EPHA6: variants seen among roughly 807,000 people sequenced by gnomAD.
EPHA6 encodes the protein ephrin type-A receptor 6.
Under a neutral mutation model 112.0 loss-of-function variants are expected in EPHA6, and 50 were observed. The ratio of observed to expected loss-of-function variants is 0.45; its 90% CI spans 0.36 to 0.56. The LOEUF is 0.56. EPHA6 is among the 20% of genes least tolerant of loss of function. The probability of loss-of-function intolerance (pLI) is 0.00; values close to 1 mark genes in which losing one functional copy is unlikely to be tolerated. For synonymous variants in EPHA6, 529 were observed against 490.7 expected, an observed-to-expected ratio of 1.08 and a Z score of -1.03; for missense variants, 1,280 against 1,417.4, an observed-to-expected ratio of 0.90 and a Z score of 1.56.
intron 16 of EPHA6, among the ~76,000 whole-genome samples, chr3:97,741,989 A>G (rs1328200214): frequency 1.3e-5 from 2 of 152,136 alleles, no homozygotes; most frequent in Non-Finnish European, 2.9e-5. Context: ...ATGCCCAGCC[A>G]CTTGAAGAAC....
chr3:97,747,534 G>T lies in EPHA6; in HGVS notation c.3240G>T (p.Gly1080=), dbSNP rs374189308. ...GQYKNNFVAA[G]FTTFDLISRM... is the part of the protein sequence containing the mutation. ...ACAAGAATAACTTCGTGGCAGCAGG[G>T]TTTACAACATTTGACCTGATTTCAA... The change falls in exon 17 of 18, where the codon GGG becomes GGT. Residue 1080 remains glycine, a synonymous_variant. Coordinates refer to ENST00000389672, the MANE Select transcript of EPHA6 (RefSeq NM_001080448.3). The T allele has an allele frequency of 1.2e-5, 20 of 1,609,796 alleles. No individual in the cohort carries two copies. Among genetic ancestry groups the T allele is most frequent in the African/African-American group, 1.1e-4 (8 of 74,574 alleles).
At chr3:97,341,146 C>A (rs1422081486) in intron 5 of EPHA6, among the ~76,000 whole-genome samples, 4 of 152,088 alleles carry the variant, frequency 2.6e-5, no homozygotes, top group Non-Finnish European at 5.9e-5. Context: ...ATGGAATCTG[C>A]CTTCATTAGC....
At chr3:97,687,740 G>T (rs778682062) in intron 14 of EPHA6, among the ~76,000 whole-genome samples, 2 of 152,176 alleles carry the variant, frequency 1.3e-5, no homozygotes, top group Non-Finnish European at 2.9e-5. Context: ...ATCCTCAGAG[G>T]CTGAAAATAC....
intron 5 of EPHA6, among the ~76,000 whole-genome samples, chr3:97,281,835 CAG>C (rs2080296244): frequency 6.6e-6 from 1 of 152,242 alleles, no homozygotes; most frequent in Admixed American, 6.5e-5. Flanking sequence ...TTTAATAAGT[CAG>C]GGCCTATAAC....
intron 6 of EPHA6, among the ~76,000 whole-genome samples, chr3:97,418,309 A>G (rs2088305038): frequency 6.6e-6 from 1 of 152,076 alleles, no homozygotes; most frequent in African/African-American, 2.4e-5. Flanking sequence ...AACAGAACAG[A>G]GAGCATACAA....
intron 14 of EPHA6, among the ~76,000 whole-genome samples, chr3:97,679,852 A>AG (rs1237764665): frequency 1.3e-5 from 2 of 152,182 alleles, no homozygotes; most frequent in African/African-American, 4.8e-5. Flanking sequence ...AAAGGTTCTC[A>AG]GAAGATCCAG....
chr3:97,092,504 G>T (rs1559722981), intron 3 of EPHA6, among the ~76,000 whole-genome samples: 1 of 152,002 alleles, frequency 6.6e-6, no homozygotes, highest in African/African-American at 2.4e-5. Flanking sequence ...CAGTTTTGAG[G>T]TTTGTTTCTT....
intron 9 of EPHA6, among the ~76,000 whole-genome samples, chr3:97,480,816 G>A (rs56709160): frequency 0.19 from 28,440 of 151,432 alleles, 3,945 homozygotes; most frequent in African/African-American, 0.38. Context: ...GCTGCCGAGC[G>A]GAGGGACTCC....
intron 5 of EPHA6, among the ~76,000 whole-genome samples, chr3:97,246,141 T>C (rs2108586424): frequency 6.6e-6 from 1 of 152,102 alleles, no homozygotes; most frequent in East Asian, 1.9e-4. Context: ...CAAATATATC[T>C]TAAATATAAA....
chr3:96,817,235 A>G (rs1477701693), intron 1 of EPHA6, among the ~76,000 whole-genome samples: 1 of 152,000 alleles, frequency 6.6e-6, no homozygotes, highest in Non-Finnish European at 1.5e-5. Flanking sequence ...GCCTAAAGTC[A>G]TAGTGAGTAG....
intron 11 of EPHA6, among the ~76,000 whole-genome samples, chr3:97,546,920 TC>T (rs1333760035): frequency 6.6e-6 from 1 of 152,198 alleles, no homozygotes; most frequent in Non-Finnish European, 1.5e-5. Flanking sequence ...CTCCATCAGG[TC>T]CTTTAAGGAC....
chr3:97,292,892 C>T (rs1244144291), intron 5 of EPHA6, among the ~76,000 whole-genome samples: 2 of 151,768 alleles, frequency 1.3e-5, no homozygotes, highest in Non-Finnish European at 2.9e-5. Context: ...CAGTGAGCGT[C>T]CAGCTCTCAG....
chr3:97,720,545 G>C (rs2034479523), intron 15 of EPHA6, 135 bp downstream of exon 15: 2 of 678,118 alleles, frequency 2.9e-6, no homozygotes, highest in Non-Finnish European at 2.2e-6. Context: ...GGCTGAGTTT[G>C]AGAAGCTGAG....
At chr3:97,665,482 A>G (rs1007673929) in intron 14 of EPHA6, among the ~76,000 whole-genome samples, 2 of 152,192 alleles carry the variant, frequency 1.3e-5, no homozygotes, top group Non-Finnish European at 2.9e-5. Context: ...GGCAACAACA[A>G]CATGCTTGTC....
intron 2 of EPHA6, among the ~76,000 whole-genome samples, chr3:96,897,211 AACACAC>A (rs57409609): frequency 0.017 from 2,420 of 143,394 alleles, 62 homozygotes; most frequent in African/African-American, 0.05. Context: ...TGTATATACA[AACACAC>A]ACACACACAC....
intron 3 of EPHA6, among the ~76,000 whole-genome samples, chr3:97,047,900 C>G (rs932176735): frequency 6.6e-6 from 1 of 151,994 alleles, no homozygotes. Context: ...CAGTCATTCA[C>G]AATGGCATTA....
intron 16 of EPHA6, among the ~76,000 whole-genome samples, chr3:97,737,231 G>A (rs989237343): frequency 6.6e-6 from 1 of 151,988 alleles, no homozygotes; most frequent in Non-Finnish European, 1.5e-5. Context: ...GCCATGGAAG[G>A]ATTTTAAGCA....
chr3:97,220,227 C>T (rs1161499626), intron 3 of EPHA6, among the ~76,000 whole-genome samples: 1 of 152,194 alleles, frequency 6.6e-6, no homozygotes, highest in Non-Finnish European at 1.5e-5. Flanking sequence ...ATCTTCCTGT[C>T]TTCTTCTGAG....
intron 15 of EPHA6, among the ~76,000 whole-genome samples, chr3:97,734,350 G>C (rs1262589454): frequency 6.6e-6 from 1 of 151,968 alleles, no homozygotes; most frequent in Non-Finnish European, 1.5e-5. Context: ...TTAATGCATT[G>C]CAAGTGTTTT....
Sources: allele counts gnomAD v4.1 joint callset (sites outside exome capture counted in the v4.1 genomes callset), GRCh38; gene constraint gnomAD v4.1.1; transcripts MANE v1.5; gene names NCBI Gene and HGNC (gene_info 2026-07-23, HGNC 2026-07-21).